SMC4: variants seen among roughly 807,000 people sequenced by gnomAD.
The protein encoded by SMC4 is structural maintenance of chromosomes 4, also known as structural maintenance of chromosomes protein 4.
SMC4 carries 87 observed loss-of-function variants against 145.6 expected under a neutral mutation model. The observed-to-expected ratio is 0.60, with a 90% CI of 0.50 to 0.71. The LOEUF (loss-of-function observed/expected upper bound fraction) is 0.71, where lower values mean the gene tolerates loss of function less well. SMC4 is among the 30% of genes least tolerant of loss of function. The pLI is 0.00. For missense variants in SMC4, 1,447 were observed against 1,537.1 expected, an observed-to-expected ratio of 0.94 and a Z score of 0.98; for synonymous variants, 558 against 500.7, an observed-to-expected ratio of 1.11 and a Z score of -1.53.
chr3:160,406,600 A>G (rs1715352665), intron 5 of SMC4, among the ~76,000 whole-genome samples: 1 of 152,198 alleles, frequency 6.6e-6, no homozygotes, highest in African/African-American at 2.4e-5. Context: ...CTTGGAATAA[A>G]ACATGTAGAC....
rs752851800 is a variant in SMC4, at chr3:160,431,193, T to C, written c.3102T>C (p.Tyr1034=). The change falls in exon 20 of 24, where the codon TAT becomes TAC. Residue 1034 remains tyrosine (Y), a synonymous_variant. Transcript: ENST00000357388. ...HIAEHNSKIK[Y]WHKEISKISL... ...CTGAACATAATTCTAAAATAAAATATTGGCACAAAGAGGTGAGATTGTTAC... is the reference window on the plus strand; with the variant it reads ...CTGAACATAATTCTAAAATAAAATACTGGCACAAAGAGGTGAGATTGTTAC... The C allele has an allele frequency of 1.0e-5, 16 of 1,579,374 alleles. No individual in the cohort carries two copies. In the East Asian group the frequency reaches 1.9e-4, roughly 18 times the overall value.
Position 160,423,651 on chromosome 3 carries a change from G to T in SMC4, c.2245+1G>T. 6.2e-7 allele frequency: 1 copy of T among 1,604,846 alleles called. No individual in the cohort carries two copies. The highest frequency in any genetic ancestry group is 1.1e-5 in the South Asian group (1 of 89,376). ...CAGGGACAAATCATAGAACAGTCAG[G>T]TAATAGTGTTTTTGTTTCTTGGTTT... On this transcript the variant is annotated splice_donor_variant, in intron 14 of 23. Transcript: ENST00000357388. LOFTEE classifies it high-confidence loss of function.
chr3:160,431,228 T>G (rs1447830405), intron 20 of SMC4, 23 bp downstream of exon 20: 6 of 1,545,568 alleles, frequency 3.9e-6, no homozygotes, highest in Admixed American at 2.1e-5. Flanking sequence ...CCGTTTAGTT[T>G]AATTTTAAAC....
At chr3:160,413,237 G>A (rs964450395) in intron 7 of SMC4, among the ~76,000 whole-genome samples, 3 of 151,918 alleles carry the variant, frequency 2.0e-5, no homozygotes, top group Non-Finnish European at 1.5e-5. Flanking sequence ...GCCTGCCTCA[G>A]CCTCCTAAAG....
intron 17 of SMC4, 138 bp from the exon 18 acceptor site, chr3:160,428,615 T>A (rs2278848): frequency 0.014 from 9,310 of 677,164 alleles, 353 homozygotes; most frequent in African/African-American, 0.11. Context: ...TTTTTTTTTT[T>A]AAGGTGCTTT....
In SMC4 at chr3:160,416,142, A is replaced by C. The variant is rs1245688557; in HGVS notation, c.1273-109A>C. The C allele has an allele frequency of 4.6e-6, 3 of 647,324 alleles. No individual in the cohort carries two copies. In the African/African-American group the frequency reaches 5.6e-5, roughly 12 times the overall value. 40.1% of individuals were successfully genotyped at this position (647,324 alleles called of 1,614,324 possible). On this transcript the variant is annotated intron_variant, in intron 9 of 23. Coordinates refer to ENST00000357388, the MANE Select transcript of SMC4 (RefSeq NM_001002800.3). ...CTAGCTAATTTAACTCTGATTATAA[A>C]GAAAAGAAGAACTAGAGGACCCTGA...
chr3:160,419,592 A>G, intron 12 of SMC4, 49 bp downstream of exon 12: 1 of 1,524,970 alleles, frequency 6.6e-7, no homozygotes, highest in Non-Finnish European at 8.8e-7. Context: ...TTTTTAAGAA[A>G]GTGTAACTTA....
chr3:160,414,093 T>C (rs778229168), intron 8 of SMC4: 1 of 449,118 alleles, frequency 2.2e-6, no homozygotes, highest in South Asian at 1.8e-5. Flanking sequence ...ATTTTACTCC[T>C]ATGGTAAAAT....
chr3:160,419,800 CT>C (rs1442237699), intron 12 of SMC4, among the ~76,000 whole-genome samples: 1 of 151,622 alleles, frequency 6.6e-6, no homozygotes, highest in Non-Finnish European at 1.5e-5. Flanking sequence ...CCATTTTATC[CT>C]TTTTTTTAAA....
At chr3:160,409,318 A>T (rs1715721696) in intron 5 of SMC4, among the ~76,000 whole-genome samples, 1 of 145,168 alleles carries the variant, frequency 6.9e-6, no homozygotes, top group African/African-American at 2.5e-5. Context: ...AGGAGTTGAG[A>T]TGTAACTATT....
chr3:160,424,099 C>T, intron 15 of SMC4, among the ~76,000 whole-genome samples: 1 of 152,198 alleles, frequency 6.6e-6, no homozygotes, highest in Middle Eastern at 3.4e-3. Flanking sequence ...CCATAACTTA[C>T]ATAATTATTT....
At chr3:160,408,999 T>C (rs1715654163) in intron 5 of SMC4, among the ~76,000 whole-genome samples, 1 of 151,236 alleles carries the variant, frequency 6.6e-6, no homozygotes, top group South Asian at 2.1e-4. Flanking sequence ...ATAATAATCT[T>C]AAGACTGCTG....
Position 160,411,970 on chromosome 3 carries a change from CGAT to C in SMC4, c.741_743del (p.Asp247del). The C allele has an allele frequency of 6.2e-7, 1 of 1,613,368 alleles. No individual in the cohort carries two copies. Among genetic ancestry groups the C allele is most frequent in the Non-Finnish European group, 8.5e-7 (1 of 1,179,666 alleles). On this transcript the variant is annotated inframe_deletion, in exon 6 of 24. Transcript: ENST00000357388. ...TGAAACCAAAAGGCCAGACTGAACA[CGAT>C]GAGGGTATGCTTGAATATTTAGAAG...
chr3:160,412,486 TA>T, intron 7 of SMC4, 33 bp downstream of exon 7: 1 of 1,566,272 alleles, frequency 6.4e-7, no homozygotes, highest in South Asian at 1.2e-5. Flanking sequence ...CCAATTTTTA[TA>T]TTAGTTTTTA....
Position 160,433,189 on chromosome 3 carries a change from A to C in SMC4, c.3694A>C (p.Ile1232Leu), listed in dbSNP as rs772122515. Residue 1232 changes from isoleucine (I) to leucine (L), a missense_variant, in exon 23 of 24, where the codon ATT becomes CTT. Ile to Leu is a conservative substitution (Grantham distance 5). Transcript: ENST00000357388. Reference sequence around the variant, plus strand: ...AGCCCTTGATTTTAAAAATGTGTCCATTGTTGCATTTTATATATATGTAAG... The same window carrying C: ...AGCCCTTGATTTTAAAAATGTGTCCCTTGTTGCATTTTATATATATGTAAG... ...DAALDFKNVSIVAFYIYEQTK... is the reference protein window; with the variant it reads ...DAALDFKNVSLVAFYIYEQTK... 6.2e-7 allele frequency: 1 copy of C among 1,612,558 alleles called. No individual in the cohort carries two copies. The highest frequency in any genetic ancestry group is 8.5e-7 in the Non-Finnish European group (1 of 1,179,102).
At chr3:160,405,281 A>G (rs915108330) in intron 5 of SMC4, among the ~76,000 whole-genome samples, 1 of 151,022 alleles carries the variant, frequency 6.6e-6, no homozygotes, top group Non-Finnish European at 1.5e-5. Context: ...AAAATCCCCT[A>G]TCTTTTTTTC....
chr3:160,416,293 A>G lies in SMC4; in HGVS notation c.1315A>G (p.Ile439Val), dbSNP rs1716577397. The change falls in exon 10 of 24, where the codon ATT becomes GTT. Residue 439 changes from isoleucine (I) to valine (V), a missense_variant. Ile to Val is a conservative substitution (Grantham distance 29, BLOSUM62 3). Transcript: ENST00000357388. ...KSIPAKSNNI[I>V]NETTTRNNAL... ...TATACCTGCCAAGAGTAACAATATC[A>G]TTAATGAAACAACAACCAGAAACAA... 1.9e-6 allele frequency: 3 copies of G among 1,598,792 alleles called. No individual in the cohort carries two copies. The South Asian group carries it at 3.4e-5, about 18-fold the overall frequency.
At chr3:160,401,793 A>T (rs1714695907) in intron 2 of SMC4, 122 bp from the exon 3 acceptor site, 1 of 718,812 alleles carries the variant, frequency 1.4e-6, no homozygotes, top group Non-Finnish European at 2.3e-6. Context: ...AAGTTTCATA[A>T]ATAACATCCC....
chr3:160,402,817 G>T lies in SMC4; in HGVS notation c.460G>T (p.Asp154Tyr). The T allele has an allele frequency of 6.2e-7, 1 of 1,605,800 alleles. No individual in the cohort carries two copies. Among genetic ancestry groups the T allele is most frequent in the South Asian group, 1.1e-5 (1 of 89,214 alleles). The change falls in exon 4 of 24, where the codon GAC (aspartate) becomes TAC (tyrosine). Residue 154 changes from aspartate (D) to tyrosine (Y), a missense_variant. Physicochemically the swap from Asp to Tyr is radical, Grantham distance 160 (BLOSUM62 -3). Coordinates refer to ENST00000357388, the MANE Select transcript of SMC4 (RefSeq NM_001002800.3). ...VLIHNSDEHK[D>Y]IQSCTVEVHF... is the part of the protein sequence containing the mutation. Reference sequence around the variant, plus strand: ...AATACATAATTCTGATGAACACAAGGACATTCAGAGTTGTACAGTAGAAGT... The same window carrying T: ...AATACATAATTCTGATGAACACAAGTACATTCAGAGTTGTACAGTAGAAGT...
Sources: allele counts gnomAD v4.1 joint callset (sites outside exome capture counted in the v4.1 genomes callset), GRCh38; gene constraint gnomAD v4.1.1; transcripts MANE v1.5; gene names NCBI Gene and HGNC (gene_info 2026-07-23, HGNC 2026-07-21).